THSD7A: variants seen among roughly 807,000 people sequenced by gnomAD.
THSD7A encodes thrombospondin type 1 domain containing 7A.
THSD7A carries 96 observed loss-of-function variants against 231.3 expected under a neutral mutation model. The observed-to-expected ratio is 0.41, with a 90% confidence interval of 0.35 to 0.49. THSD7A has a LOEUF of 0.49. Among genes scored for constraint, THSD7A ranks in the 20% least tolerant of loss-of-function variants. The pLI is 0.05. For synonymous variants in THSD7A, 940 were observed against 743.3 expected (o/e 1.26, Z -4.30); for missense variants, 2,290 against 2,070.2 (o/e 1.11, Z -2.06).
chr7:11,389,093 G>A (rs1782876206), intron 23 of THSD7A, among the ~76,000 whole-genome samples: 1 of 152,172 alleles, frequency 6.6e-6, no homozygotes, highest in South Asian at 2.1e-4. Flanking sequence ...ATTTGGGGTG[G>A]AGAGTTCTGT....
chr7:11,577,364 T>C (rs964381774), intron 4 of THSD7A, among the ~76,000 whole-genome samples: 3 of 152,144 alleles, frequency 2.0e-5, no homozygotes, highest in Admixed American at 6.6e-5. Flanking sequence ...TCACCCAGGC[T>C]GGAGTGCAGT....
chr7:11,798,658 C>T (rs568659415), intron 1 of THSD7A, among the ~76,000 whole-genome samples: 2 of 152,104 alleles, frequency 1.3e-5, no homozygotes, highest in East Asian at 1.9e-4. Context: ...GAGATTAGAA[C>T]TGAAAAATGT....
chr7:11,831,984 C>T lies in THSD7A; in HGVS notation c.-38G>A, dbSNP rs1315537523. 8.3e-7 allele frequency: 1 copy of T among 1,210,158 alleles called. No homozygotes were observed. Among genetic ancestry groups the T allele is most frequent in the Non-Finnish European group, 1.0e-6 (1 of 971,680 alleles). The allele number at this position is 1,210,158 out of a possible 1,614,324, so 75.0% of individuals were successfully genotyped here. On this transcript the variant is annotated 5_prime_UTR_variant, in exon 1 of 28. The change creates a new upstream start codon in the 5' untranslated region. Transcript: ENST00000423059. This position sits in a 1 kb window ranked among gnomAD's most constrained non-coding sequence, Gnocchi z 5.0. ...CACTCCAGGGTCCAGAGCCGTAGCA[C>T]GCTCGGCAGGGAATTTTTCTCCGCT...
intron 9 of THSD7A, among the ~76,000 whole-genome samples, chr7:11,467,749 A>T (rs1250322339): frequency 1.3e-5 from 2 of 151,484 alleles, no homozygotes; most frequent in Non-Finnish European, 2.9e-5. Flanking sequence ...CTCCTAAAAA[A>T]CCTCTATTTT....
intron 9 of THSD7A, among the ~76,000 whole-genome samples, chr7:11,469,595 G>A (rs997133601): frequency 6.6e-6 from 1 of 152,082 alleles, no homozygotes; most frequent in African/African-American, 2.4e-5. Context: ...TATTCCTTCA[G>A]AACTAATGTG....
chr7:11,601,377 T>G (rs1397321247), intron 2 of THSD7A, among the ~76,000 whole-genome samples: 2 of 152,150 alleles, frequency 1.3e-5, no homozygotes, highest in Non-Finnish European at 2.9e-5. Context: ...ATAAAATATC[T>G]CCTGAGATAA....
intron 23 of THSD7A, 71 bp from the exon 24 acceptor site, chr7:11,382,687 T>C: frequency 8.9e-7 from 1 of 1,123,740 alleles, no homozygotes; most frequent in Non-Finnish European, 1.3e-6. Context: ...GATAGAGTAT[T>C]AATAACATAT....
intron 11 of THSD7A, among the ~76,000 whole-genome samples, chr7:11,449,634 C>T (rs535679041): frequency 6.6e-6 from 1 of 151,978 alleles, no homozygotes; most frequent in Non-Finnish European, 1.5e-5. Context: ...AAAAGAACAT[C>T]CATATAGTTT....
chr7:11,450,508 T>C (rs1422311949), intron 11 of THSD7A, among the ~76,000 whole-genome samples: 3 of 152,056 alleles, frequency 2.0e-5, no homozygotes, highest in African/African-American at 7.2e-5. Context: ...GTTTGTATTC[T>C]GACTTAGAGG....
intron 4 of THSD7A, among the ~76,000 whole-genome samples, chr7:11,586,902 T>C (rs372426500): frequency 9.9e-4 from 151 of 152,262 alleles, no homozygotes; most frequent in Non-Finnish European, 1.9e-3. Flanking sequence ...ATCTAGGCTG[T>C]CTTTCTTAAT....
chr7:11,697,832 C>G (rs954262846), intron 1 of THSD7A, among the ~76,000 whole-genome samples: 23 of 151,326 alleles, frequency 1.5e-4, no homozygotes, highest in Non-Finnish European at 2.5e-4. Flanking sequence ...CATCCTTAGG[C>G]ACCTTCCTAG....
At chr7:11,796,899 T>C (rs1027128222) in intron 1 of THSD7A, among the ~76,000 whole-genome samples, 4 of 152,136 alleles carry the variant, frequency 2.6e-5, no homozygotes, top group African/African-American at 7.2e-5. Context: ...AAGTGTATAC[T>C]AAAATAGCAC....
At chr7:11,677,909 A>G (rs1413829937) in intron 1 of THSD7A, among the ~76,000 whole-genome samples, 1 of 152,144 alleles carries the variant, frequency 6.6e-6, no homozygotes, top group African/African-American at 2.4e-5. Context: ...TTGGCACCAC[A>G]TAGCACTTAT....
intron 18 of THSD7A, among the ~76,000 whole-genome samples, 188 bp downstream of exon 18, chr7:11,412,468 C>A (rs1783818350): frequency 1.3e-5 from 2 of 151,804 alleles, no homozygotes; most frequent in Admixed American, 6.6e-5. Flanking sequence ...TTTCCTCTAT[C>A]TTAGTGTTTA....
At chr7:11,690,833 G>C (rs1227054212) in intron 1 of THSD7A, among the ~76,000 whole-genome samples, 1 of 151,706 alleles carries the variant, frequency 6.6e-6, no homozygotes, top group Non-Finnish European at 1.5e-5. Flanking sequence ...TTTGGATCAT[G>C]CTTCCTTCAA....
chr7:11,672,726 T>C (rs1216972339), intron 1 of THSD7A, among the ~76,000 whole-genome samples: 2 of 152,164 alleles, frequency 1.3e-5, no homozygotes, highest in Admixed American at 1.3e-4. Context: ...CTCACGGTGC[T>C]TTATGGAGCC....
chr7:11,779,339 T>C lies in THSD7A; in HGVS notation c.190+52418A>G, dbSNP rs1583284235. ...CTCTTCCTTTCATTCACCTTAATGGTCGGTATTAGAAGTTAATTCCCAAAC... is the reference window on the plus strand; with the variant it reads ...CTCTTCCTTTCATTCACCTTAATGGCCGGTATTAGAAGTTAATTCCCAAAC... On this transcript the variant is annotated intron_variant, in intron 1 of 27. Coordinates refer to ENST00000423059, the MANE Select transcript of THSD7A (RefSeq NM_015204.3). Among the ~76,000 whole-genome samples the C allele has an allele frequency of 2.0e-5, 3 of 152,286 alleles. No homozygotes were observed. In the Middle Eastern group the frequency reaches 0.01, roughly 518 times the overall value.
At chr7:11,486,081 T>C (rs1186953459) in intron 6 of THSD7A, among the ~76,000 whole-genome samples, 1 of 152,190 alleles carries the variant, frequency 6.6e-6, no homozygotes, top group Non-Finnish European at 1.5e-5. Flanking sequence ...TCAATGGCTA[T>C]TACAGGCAAC....
At chr7:11,721,093 A>C (rs1352028220) in intron 1 of THSD7A, among the ~76,000 whole-genome samples, 1 of 151,840 alleles carries the variant, frequency 6.6e-6, no homozygotes, top group Admixed American at 6.6e-5. Context: ...TAATATATTA[A>C]ACTGTTAGAA....
Sources: allele counts gnomAD v4.1 joint callset (sites outside exome capture counted in the v4.1 genomes callset), GRCh38; gene constraint gnomAD v4.1.1; non-coding constraint Gnocchi (gnomAD v3.1); transcripts MANE v1.5; gene names NCBI Gene and HGNC (gene_info 2026-07-23, HGNC 2026-07-21).